The following NOXA1 variants were observed in gnomAD, a reference collection of about 807,000 sequenced individuals.
NOXA1 encodes the protein NCF2-like protein.
NOXA1 carries 56 observed loss-of-function variants against 64.8 expected under a neutral mutation model. That is an observed-to-expected ratio of 0.86 (90% CI 0.70 to 1.08). The LOEUF is 1.08. Among genes scored for constraint, NOXA1 ranks in the 50% least tolerant of loss-of-function variants. The pLI is 0.00. For missense variants in NOXA1, 668 were observed against 658.5 expected (o/e 1.01, Z -0.16); for synonymous variants, 295 against 294.8 (o/e 1.00, Z -0.01).
In NOXA1 at chr9:137,426,292, CT is replaced by C; in HGVS notation, c.224del (p.Phe75SerfsTer28). ...CCAAGGACACCTGCATGGCGGTTGG[CT>C]TCTTCCAGCGAGGAGTGGCCAACTT... ...VTKDTCMAVG[F>X]FQRGVANFQL... is the part of the protein sequence containing the mutation. On this transcript the variant is annotated frameshift_variant, in exon 2 of 14. Transcript: ENST00000683555. LOFTEE classifies it high-confidence loss of function. 1 of 1,613,820 alleles carries C rather than the reference CT, an allele frequency of 6.2e-7. No individual in the cohort carries two copies. The highest frequency in any genetic ancestry group is 8.5e-7 in the Non-Finnish European group (1 of 1,179,996).
In NOXA1 at chr9:137,433,233, C is replaced by T. The variant is rs748138426; in HGVS notation, c.879C>T (p.Pro293=). 8.7e-6 allele frequency: 14 copies of T among 1,602,504 alleles called. No individual in the cohort carries two copies. The Admixed American group carries it at 1.0e-4, about 12-fold the overall frequency. Residue 293 remains proline, a synonymous_variant, in exon 10 of 14, where the codon CCC becomes CCT. Coordinates refer to ENST00000683555, the MANE Select transcript of NOXA1 (RefSeq NM_001256067.2). ...PGLPAMGGPG[P]GPCEDPAGAG... ...TGCCGGCAATGGGGGGGCCTGGCCC[C>T]GGCCCCTGTGAGGACCCCGCGGGTG...
At chr9:137,426,388 C>T in intron 2 of NOXA1, 58 bp downstream of exon 2, 1 of 1,361,094 alleles carries the variant, frequency 7.3e-7, no homozygotes, top group Non-Finnish European at 1.1e-6. Flanking sequence ...CTGCAGAGTC[C>T]ACTCCTGCAC....
intron 2 of NOXA1, among the ~76,000 whole-genome samples, chr9:137,427,563 A>AC (rs1237320477): frequency 1.3e-5 from 2 of 152,052 alleles, no homozygotes; most frequent in African/African-American, 4.8e-5. Flanking sequence ...TACGATCCAG[A>AC]CCCCTCTGGG....
At chr9:137,433,430 CT>C (rs770585063) in intron 10 of NOXA1, 22 bp from the exon 11 acceptor site, 33 of 1,584,278 alleles carry the variant, frequency 2.1e-5, no homozygotes, top group East Asian at 2.3e-5. Flanking sequence ...GCGACCACCC[CT>C]CCCCCTCCTG....
chr9:137,429,028 C>A lies in NOXA1; in HGVS notation c.504+12C>A. 1 of 1,535,298 alleles carries A rather than the reference C, an allele frequency of 6.5e-7. No homozygotes were observed. The highest frequency in any genetic ancestry group is 8.8e-7 in the Non-Finnish European group (1 of 1,139,422). ...TGGACCAAGTGCAGGTGAGGAGTGC[C>A]AGCCCGGTCATGGTTTTGGGCTGGT... On this transcript the variant is annotated intron_variant, in intron 4 of 13. Coordinates refer to ENST00000683555, the MANE Select transcript of NOXA1 (RefSeq NM_001256067.2).
chr9:137,433,871 C>A lies in NOXA1; in HGVS notation c.1179+7C>A. The A allele has an allele frequency of 6.8e-7, 1 of 1,466,014 alleles. No individual in the cohort carries two copies. The highest frequency in any genetic ancestry group is 1.4e-5 in the South Asian group (1 of 70,998). 90.8% of individuals were successfully genotyped at this position (1,466,014 alleles called of 1,614,324 possible). A position where few individuals can be genotyped will look rare whatever the true frequency, so the allele number is the denominator to read the frequency against. The stretch of plus-strand genomic sequence containing the variant: ...GCTGCAGCTGCAGTGCAGGGTGAGC[C>A]AAGGGCGAGGCAGGGGCAGGGGCAC... On this transcript the variant is annotated splice_region_variant and intron_variant, in intron 12 of 13. Transcript: ENST00000683555.
chr9:137,426,475 T>TGGTTC, intron 2 of NOXA1, 145 bp downstream of exon 2: 1 of 731,470 alleles, frequency 1.4e-6, no homozygotes, highest in South Asian at 1.6e-5. Flanking sequence ...CAGGGAAACC[T>TGGTTC]GAGACTGTGG....
chr9:137,432,059 G>A (rs764402256), intron 8 of NOXA1, among the ~76,000 whole-genome samples: 1 of 152,148 alleles, frequency 6.6e-6, no homozygotes, highest in Admixed American at 6.5e-5. Flanking sequence ...CAGTTCCCAC[G>A]ATGGGCCTTT....
Position 137,433,376 on chromosome 9 carries a change from C to T in NOXA1, c.910-77C>T, listed in dbSNP as rs571974742. 2.8e-5 allele frequency: 42 copies of T among 1,512,840 alleles called. 2 individuals are homozygous for T. In the South Asian group the frequency reaches 4.9e-4, roughly 18 times the overall value. The allele number at this position is 1,512,840 out of a possible 1,614,324, so 93.7% of individuals were successfully genotyped here. A position where few individuals can be genotyped will look rare whatever the true frequency, so the allele number is the denominator to read the frequency against. On this transcript the variant is annotated intron_variant, in intron 10 of 13. Coordinates refer to ENST00000683555, the MANE Select transcript of NOXA1 (RefSeq NM_001256067.2). Reference sequence around the variant, plus strand: ...CCCTCACCTGCCCAGTCTCTGTCCACACCCCTCGGGCTGAAGACGGCCCTG... The same window carrying T: ...CCCTCACCTGCCCAGTCTCTGTCCATACCCCTCGGGCTGAAGACGGCCCTG...
rs774582941 is a variant in NOXA1, at chr9:137,423,640, C to T, written c.111C>T (p.Pro37=). The change falls in exon 1 of 14, where the codon CCC becomes CCT. Residue 37 remains proline, a synonymous_variant. Coordinates refer to ENST00000683555, the MANE Select transcript of NOXA1 (RefSeq NM_001256067.2). ...TCTTCTCGGGCGTCCCGGCGCCGCCCGCCAGGCTGTGCTTCAACGCGGGCT... is the reference window on the plus strand; with the variant it reads ...TCTTCTCGGGCGTCCCGGCGCCGCCTGCCAGGCTGTGCTTCAACGCGGGCT... ...LHLFSGVPAP[P]ARLCFNAGCV... The T allele has an allele frequency of 7.0e-7, 1 of 1,432,960 alleles. No individual in the cohort carries two copies. Among genetic ancestry groups the T allele is most frequent in the Non-Finnish European group, 9.2e-7 (1 of 1,090,644 alleles). 88.8% of individuals were successfully genotyped at this position (1,432,960 alleles called of 1,614,324 possible). A position where few individuals can be genotyped will look rare whatever the true frequency, so the allele number is the denominator to read the frequency against.
Position 137,428,148 on chromosome 9 carries a change from C to T in NOXA1, c.369+7C>T. The T allele has an allele frequency of 1.9e-6, 3 of 1,550,138 alleles. No individual in the cohort carries two copies. The highest frequency in any genetic ancestry group is 2.6e-6 in the Non-Finnish European group (3 of 1,145,138). On this transcript the variant is annotated splice_region_variant and intron_variant, in intron 3 of 13. Coordinates refer to ENST00000683555, the MANE Select transcript of NOXA1 (RefSeq NM_001256067.2). The stretch of plus-strand genomic sequence containing the variant: ...CAAGCTGCAAGCCTGGGAGGTGAGG[C>T]CGGGCAGGGCTCACTGTGCTGCTGG...
intron 5 of NOXA1, among the ~76,000 whole-genome samples, chr9:137,430,019 G>A (rs907425668): frequency 1.6e-5 from 2 of 127,270 alleles, no homozygotes; most frequent in African/African-American, 3.1e-5. Flanking sequence ...AGGTCCCGGG[G>A]GGGGTGCCTG....
At position 137,423,657 on chromosome 9, in the gene NOXA1, A is replaced by C. The variant is rs766036724; in HGVS notation, c.128A>C (p.Asn43Thr). 92 of 1,411,432 alleles carry C rather than the reference A, an allele frequency of 6.5e-5. No individual in the cohort carries two copies. In the African/African-American group the frequency reaches 1.1e-3, roughly 17 times the overall value. 87.4% of individuals were successfully genotyped at this position (1,411,432 alleles called of 1,614,324 possible). ...GCGCCGCCCGCCAGGCTGTGCTTCA[A>C]CGCGGGCTGCGTGCACCTGCTGGCC... ...VPAPPARLCF[N>T]AGCVHLLAGD... The change falls in exon 1 of 14, where the codon AAC (asparagine) becomes ACC (threonine). Residue 43 changes from asparagine to threonine, a missense_variant. Physicochemically the swap from Asn to Thr is moderately conservative, Grantham distance 65 (BLOSUM62 0). Coordinates refer to ENST00000683555, the MANE Select transcript of NOXA1 (RefSeq NM_001256067.2).
chr9:137,433,446 G>T lies in NOXA1; in HGVS notation c.910-7G>T. On this transcript the variant is annotated splice_polypyrimidine_tract_variant and splice_region_variant and intron_variant, in intron 10 of 13. Coordinates refer to ENST00000683555, the MANE Select transcript of NOXA1 (RefSeq NM_001256067.2). ...CGACCACCCCTCCCCCTCCTGCCTG[G>T]ACCCAGGGAGCAGGTGCAGGGGGCT... is the stretch of plus-strand genomic sequence containing the variant. 1 of 1,595,120 alleles carries T rather than the reference G, an allele frequency of 6.3e-7. No individual in the cohort carries two copies.
chr9:137,433,686 C>T (rs1839225194), intron 11 of NOXA1, 64 bp from the exon 12 acceptor site: 2 of 1,503,548 alleles, frequency 1.3e-6, no homozygotes, highest in African/African-American at 1.4e-5. Flanking sequence ...GAGGGGGTGG[C>T]AGAGGTCACT....
chr9:137,432,134 A>G (rs1839132876), intron 8 of NOXA1, among the ~76,000 whole-genome samples: 1 of 152,054 alleles, frequency 6.6e-6, no homozygotes, highest in Non-Finnish European at 1.5e-5. Context: ...ATAAGTTACA[A>G]TCGAGGCCGG....
At chr9:137,430,753 C>T (rs1839074722) in intron 5 of NOXA1, 31 bp from the exon 6 acceptor site, 10 of 1,581,024 alleles carry the variant, frequency 6.3e-6, no homozygotes, top group Non-Finnish European at 8.6e-6. Context: ...GCCGCTGATC[C>T]CTGACCCAGC....
chr9:137,430,431 C>G (rs1334889941), intron 5 of NOXA1, among the ~76,000 whole-genome samples: 3 of 152,242 alleles, frequency 2.0e-5, no homozygotes, highest in Admixed American at 6.5e-5. Flanking sequence ...TGCGCCACGG[C>G]CGACTCCTGG....
chr9:137,424,002 C>T (rs1371883415), intron 1 of NOXA1, among the ~76,000 whole-genome samples: 1 of 152,194 alleles, frequency 6.6e-6, no homozygotes, highest in Non-Finnish European at 1.5e-5. Flanking sequence ...GAAAGCGTTG[C>T]GCCTGTGGTC....
Sources: gnomAD v4.1 joint callset for allele counts (sites outside exome capture counted in the v4.1 genomes callset) on GRCh38, gnomAD v4.1.1 for gene constraint, MANE v1.5 for transcripts, NCBI Gene and HGNC (gene_info 2026-07-23, HGNC 2026-07-21) for gene names.